ARHGAP22: variants seen among roughly 807,000 people sequenced by gnomAD.
ARHGAP22 encodes rho GTPase-activating protein 22.
In ARHGAP22, 48 loss-of-function variants were observed where a neutral mutation model predicts 59.1. That is an observed-to-expected ratio of 0.81 (90% CI 0.64 to 1.03). ARHGAP22 has a LOEUF of 1.03. Among genes scored for constraint, ARHGAP22 ranks in the 50% least tolerant of loss-of-function variants. The probability of loss-of-function intolerance (pLI) is 0.00; values close to 1 mark genes in which losing one functional copy is unlikely to be tolerated. For missense variants in ARHGAP22, 1,015 were observed against 958.7 expected (o/e 1.06, Z -0.78); for synonymous variants, 445 against 416.4 (o/e 1.07, Z -0.84).
intron 1 of ARHGAP22, among the ~76,000 whole-genome samples, chr10:48,634,702 G>C (rs1266675921): frequency 6.6e-6 from 1 of 152,150 alleles, no homozygotes; most frequent in Non-Finnish European, 1.5e-5. Flanking sequence ...AGGAAAGCAA[G>C]AGGGCTGAAT....
intron 3 of ARHGAP22, among the ~76,000 whole-genome samples, chr10:48,519,815 G>A (rs529994173): frequency 6.6e-5 from 10 of 152,294 alleles, no homozygotes; most frequent in South Asian, 2.1e-4. Flanking sequence ...GGAGGGGGAG[G>A]GGGGAACACA....
At chr10:48,598,012 T>C (rs1413041980) in intron 1 of ARHGAP22, among the ~76,000 whole-genome samples, 1 of 152,190 alleles carries the variant, frequency 6.6e-6, no homozygotes, top group Non-Finnish European at 1.5e-5. Context: ...ATTTATCCCC[T>C]CCTTCAAACA....
At chr10:48,576,312 G>T (rs546710983) in intron 2 of ARHGAP22, among the ~76,000 whole-genome samples, 1 of 152,166 alleles carries the variant, frequency 6.6e-6, no homozygotes, top group Non-Finnish European at 1.5e-5. Flanking sequence ...AGAAGAGGGA[G>T]CCCCTGGCCT....
chr10:48,585,169 C>T (rs1157247167), intron 1 of ARHGAP22, among the ~76,000 whole-genome samples: 5 of 152,182 alleles, frequency 3.3e-5, no homozygotes, highest in Non-Finnish European at 7.3e-5. Flanking sequence ...GACTTGCTGG[C>T]TCCTTGCTTC....
At chr10:48,609,722 G>A (rs1050963092), upstream of ARHGAP22, among the ~76,000 whole-genome samples, 5 of 152,128 alleles carry the variant, frequency 3.3e-5, no homozygotes, top group African/African-American at 9.7e-5. Flanking sequence ...GCTGTATGGA[G>A]TTCGGCACCT....
At position 48,555,521 on chromosome 10, in the gene ARHGAP22, C is replaced by T; in HGVS notation, c.264G>A (p.Val88=). Residue 88 remains valine (V), a synonymous_variant, in exon 3 of 10, where the codon GTG becomes GTA. Coordinates refer to ENST00000249601, the MANE Select transcript of ARHGAP22 (RefSeq NM_021226.4). Reference sequence around the variant, plus strand: ...CCTCGGGGCCAGGAGGAAGTTCAGTCACCTGTGTCCCTTGTAGAGAAATAA... The same window carrying T: ...CCTCGGGGCCAGGAGGAAGTTCAGTTACCTGTGTCCCTTGTAGAGAAATAA... ...QGFISLQGTQ[V]TELPPGPEDP... 1 of 1,614,200 alleles carries T rather than the reference C, an allele frequency of 6.2e-7. No homozygotes were observed. Among genetic ancestry groups the T allele is most frequent in the South Asian group, 1.1e-5 (1 of 91,068 alleles).
chr10:48,598,111 C>G (rs1420187010), intron 1 of ARHGAP22, among the ~76,000 whole-genome samples: 2 of 152,274 alleles, frequency 1.3e-5, no homozygotes, highest in East Asian at 3.8e-4. Flanking sequence ...ACTGTGTGTT[C>G]TGAGTGTCTA....
At chr10:48,533,018 T>G (rs1185514985) in intron 3 of ARHGAP22, 1 of 152,110 alleles carries the variant, frequency 6.6e-6, no homozygotes, top group Non-Finnish European at 1.5e-5. Flanking sequence ...CCTCTCAAAA[T>G]GTTTTATGCA....
intron 2 of ARHGAP22, among the ~76,000 whole-genome samples, chr10:48,582,526 C>A (rs1475350280): frequency 6.6e-6 from 1 of 152,166 alleles, no homozygotes; most frequent in African/African-American, 2.4e-5. Context: ...GACACAGAAA[C>A]CCTATGCAGG....
intron 3 of ARHGAP22, among the ~76,000 whole-genome samples, chr10:48,487,440 T>C (rs1184267359): frequency 6.6e-6 from 1 of 152,102 alleles, no homozygotes; most frequent in Non-Finnish European, 1.5e-5. Flanking sequence ...GGGCTCAAGG[T>C]AATCATAAGG....
chr10:48,590,403 G>T (rs1307288165), intron 1 of ARHGAP22, among the ~76,000 whole-genome samples: 1 of 152,096 alleles, frequency 6.6e-6, no homozygotes, highest in Non-Finnish European at 1.5e-5. Flanking sequence ...GCATGAGATG[G>T]CAAGACACTG....
chr10:48,642,436 C>A (rs1227954692), intron 1 of ARHGAP22, among the ~76,000 whole-genome samples: 1 of 152,206 alleles, frequency 6.6e-6, no homozygotes, highest in Non-Finnish European at 1.5e-5. Flanking sequence ...TAACACCACA[C>A]ATCTACAACC....
intron 5 of ARHGAP22, among the ~76,000 whole-genome samples, chr10:48,456,555 G>A (rs1044320619): frequency 6.6e-6 from 1 of 152,178 alleles, no homozygotes; most frequent in Non-Finnish European, 1.5e-5. Flanking sequence ...CGTGGCTTCA[G>A]TGGCAGCCTG....
rs896845028 is a variant in ARHGAP22, at chr10:48,644,177, C to T, written c.52+8057G>A. Among the ~76,000 whole-genome samples the T allele has an allele frequency of 6.1e-4, 93 of 152,006 alleles. 1 individual carries two copies. Among genetic ancestry groups the T allele is most frequent in the Admixed American group, 7.9e-4 (12 of 15,256 alleles). The stretch of plus-strand genomic sequence containing the variant: ...AAAGAAAGAAAGAAAGAAAAAGAAA[C>T]ATTCTGAAAAAGAGGAATATTTAAC... On this transcript the variant is annotated intron_variant, in intron 1 of 9. Transcript: ENST00000435790.
intron 3 of ARHGAP22, among the ~76,000 whole-genome samples, chr10:48,521,015 T>G (rs757084993): frequency 6.6e-6 from 1 of 152,016 alleles, no homozygotes; most frequent in Non-Finnish European, 1.5e-5. Context: ...ATCACAGAGC[T>G]CTAAATACAG....
intron 1 of ARHGAP22, among the ~76,000 whole-genome samples, chr10:48,590,764 C>A (rs1332020984): frequency 6.6e-6 from 1 of 150,882 alleles, no homozygotes; most frequent in Non-Finnish European, 1.5e-5. Context: ...CTGGCCTGGC[C>A]GTCCTGGGGA....
At chr10:48,513,105 G>T (rs1170380217) in intron 3 of ARHGAP22, among the ~76,000 whole-genome samples, 3 of 151,620 alleles carry the variant, frequency 2.0e-5, no homozygotes, top group Non-Finnish European at 2.9e-5. Context: ...TGTCATATTT[G>T]ATCTGACTCA....
chr10:48,479,728 G>A lies in ARHGAP22; in HGVS notation c.359C>T (p.Pro120Leu), dbSNP rs1321652520. The change falls in exon 4 of 10, where the codon CCC (proline) becomes CTC (leucine). Residue 120 changes from proline (P) to leucine (L), a missense_variant. By Grantham distance (98) the Pro-to-Leu change is moderately conservative. Transcript: ENST00000249601. ...AGEREKVPANPEALLLMASSQ... is the reference protein window; with the variant it reads ...AGEREKVPANLEALLLMASSQ... ...GCTGGCCATGAGCAGGAGCGCCTCG[G>A]GGTTGGCCGGCACCTTCTCCCGCTC... 3.1e-5 allele frequency: 49 copies of A among 1,602,372 alleles called. No individual in the cohort carries two copies. Among genetic ancestry groups the A allele is most frequent in the Non-Finnish European group, 4.1e-5 (48 of 1,173,424 alleles).
intron 3 of ARHGAP22, among the ~76,000 whole-genome samples, chr10:48,483,023 G>A (rs929139349): frequency 1.3e-5 from 2 of 152,042 alleles, no homozygotes; most frequent in African/African-American, 2.4e-5. Flanking sequence ...ATATAAGTGA[G>A]AACATGCAAT....
Sources: allele counts gnomAD v4.1 joint callset (sites outside exome capture counted in the v4.1 genomes callset), GRCh38; gene constraint gnomAD v4.1.1; transcripts MANE v1.5; gene names NCBI Gene and HGNC (gene_info 2026-07-23, HGNC 2026-07-21).